Variants in PLPPR1 observed in about 807,000 individuals in gnomAD.
PLPPR1 encodes the protein phospholipid phosphatase related 1.
A neutral mutation model predicts 33.1 loss-of-function variants in PLPPR1; 10 were observed. The observed-to-expected ratio is 0.30, with a 90% CI of 0.19 to 0.51. The LOEUF (loss-of-function observed/expected upper bound fraction) is 0.51. PLPPR1 is among the 20% of genes least tolerant of loss of function. The pLI is 0.97. For synonymous variants in PLPPR1, 151 were observed against 151.0 expected (o/e 1.00, Z 0.00); for missense variants, 304 against 408.1 (o/e 0.74, Z 2.20).
rs113553289 is a variant in PLPPR1, at chr9:101,265,987, C to T, written c.64-3893C>T. 3.3e-3 allele frequency among the ~76,000 whole-genome samples: 498 copies of T among 151,368 alleles called. 1 individual carries two copies. The highest frequency in any genetic ancestry group is 5.7e-3 in the Non-Finnish European group (387 of 67,840). ...CACCAGCCTGGGCGACAGTGCGAGACACCGCCTCAAAAAAAAAAGGTCACA... is the reference window on the plus strand; with the variant it reads ...CACCAGCCTGGGCGACAGTGCGAGATACCGCCTCAAAAAAAAAAGGTCACA... On this transcript the variant is annotated intron_variant, in intron 2 of 7. Transcript: ENST00000374874.
chr9:101,176,804 G>T (rs879291030), intron 1 of PLPPR1, among the ~76,000 whole-genome samples: 1 of 152,030 alleles, frequency 6.6e-6, no homozygotes, highest in Non-Finnish European at 1.5e-5. Flanking sequence ...ATATCCTAAG[G>T]TTTTAATAAT....
intron 1 of PLPPR1, among the ~76,000 whole-genome samples, chr9:101,069,578 T>C (rs1475637269): frequency 2.0e-5 from 3 of 152,098 alleles, no homozygotes; most frequent in African/African-American, 7.2e-5. Context: ...AACTGGAAAA[T>C]AAACTTATAC....
intron 2 of PLPPR1, among the ~76,000 whole-genome samples, chr9:101,248,618 A>T (rs1345888765): frequency 1.3e-5 from 2 of 152,076 alleles, no homozygotes; most frequent in East Asian, 3.9e-4. Flanking sequence ...CCACAGAGTG[A>T]CAGTTTTTCA....
chr9:101,243,322 G>A (rs1827517273), intron 2 of PLPPR1, among the ~76,000 whole-genome samples: 1 of 152,050 alleles, frequency 6.6e-6, no homozygotes, highest in East Asian at 1.9e-4. Flanking sequence ...TGAAGCAAAT[G>A]GACTCTTCTG....
chr9:101,134,582 C>T (rs903656388), intron 1 of PLPPR1, among the ~76,000 whole-genome samples: 5 of 151,960 alleles, frequency 3.3e-5, no homozygotes, highest in South Asian at 2.1e-4. Context: ...TAGTGTTTTG[C>T]CACATTGCCC....
chr9:101,059,447 G>T (rs796607825), intron 1 of PLPPR1, among the ~76,000 whole-genome samples: 8 of 152,162 alleles, frequency 5.3e-5, no homozygotes, highest in African/African-American at 1.9e-4. Context: ...TCTGTAAAAG[G>T]CTTTTGAATT....
At chr9:101,082,126 G>A (rs2118513418) in intron 1 of PLPPR1, among the ~76,000 whole-genome samples, 1 of 152,324 alleles carries the variant, frequency 6.6e-6, no homozygotes, top group South Asian at 2.1e-4. Context: ...AGAGACAACT[G>A]TGGAGGGGAA....
At chr9:101,274,461 C>G (rs1232511423) in intron 3 of PLPPR1, among the ~76,000 whole-genome samples, 2 of 152,184 alleles carry the variant, frequency 1.3e-5, no homozygotes, top group African/African-American at 2.4e-5. Context: ...TTGGTAGGAA[C>G]CAGGGCTGAT....
intron 1 of PLPPR1, among the ~76,000 whole-genome samples, chr9:101,179,252 AC>A (rs1488152302): frequency 1.3e-5 from 2 of 152,150 alleles, no homozygotes; most frequent in Non-Finnish European, 2.9e-5. Context: ...AATGGCCCAG[AC>A]CCTTCAGGAA....
chr9:101,309,524 C>T, intron 5 of PLPPR1, 63 bp downstream of exon 5: 2 of 1,546,864 alleles, frequency 1.3e-6, no homozygotes, highest in Admixed American at 1.8e-5. Flanking sequence ...TCTCCCTGCC[C>T]TGTCTCCATT....
intron 1 of PLPPR1, among the ~76,000 whole-genome samples, chr9:101,158,204 T>C (rs1831722153): frequency 1.3e-5 from 2 of 151,908 alleles, no homozygotes; most frequent in African/African-American, 2.4e-5. Context: ...CAGATTGCAA[T>C]TAGTAAAGAT....
intron 1 of PLPPR1, among the ~76,000 whole-genome samples, chr9:101,112,541 T>G (rs1436859351): frequency 6.6e-6 from 1 of 152,238 alleles, no homozygotes; most frequent in Non-Finnish European, 1.5e-5. Context: ...TATCTCTTCC[T>G]GCATTTAATC....
chr9:101,148,719 C>T (rs1049961992), intron 1 of PLPPR1, among the ~76,000 whole-genome samples: 2 of 152,150 alleles, frequency 1.3e-5, no homozygotes, highest in Admixed American at 6.5e-5. Context: ...ATAAAACTCC[C>T]ACACCTTAGT....
intron 2 of PLPPR1, among the ~76,000 whole-genome samples, chr9:101,202,006 CA>C (rs1320668146): frequency 2.6e-5 from 4 of 152,138 alleles, no homozygotes; most frequent in Admixed American, 2.6e-4. Flanking sequence ...AAAGAAAAAA[CA>C]GATAGTTTTG....
chr9:101,261,429 A>C (rs766952141), intron 2 of PLPPR1, among the ~76,000 whole-genome samples: 3 of 152,188 alleles, frequency 2.0e-5, no homozygotes, highest in African/African-American at 7.2e-5. Context: ...CATTTCGTCT[A>C]CATATCCTTG....
At chr9:101,122,093 CT>C (rs139067015) in intron 1 of PLPPR1, among the ~76,000 whole-genome samples, 22,286 of 152,070 alleles carry the variant, frequency 0.15, 1,970 homozygotes, top group Non-Finnish European at 0.2. Flanking sequence ...TTGAAACTTG[CT>C]TTGTATTCAT....
chr9:101,169,493 C>T (rs889558892), intron 1 of PLPPR1, among the ~76,000 whole-genome samples: 1 of 152,104 alleles, frequency 6.6e-6, no homozygotes, highest in African/African-American at 2.4e-5. Flanking sequence ...ATTCAGGATA[C>T]TCCCTTCCCA....
At position 101,271,281 on chromosome 9, in the gene PLPPR1, A is replaced by G. The variant is rs12339015; in HGVS notation, c.252+1213A>G. Among the ~76,000 whole-genome samples, 677 of 152,312 alleles carry G rather than the reference A, an allele frequency of 4.4e-3. 4 individuals are homozygous for G. Among genetic ancestry groups the G allele is most frequent in the African/African-American group, 0.016 (650 of 41,584 alleles). On this transcript the variant is annotated intron_variant, in intron 3 of 7. Transcript: ENST00000374874. ...GTTCCCTCCCATACAAAATAAGGAC[A>G]ACTGAATGCTTACCTCATGCGTTGC...
chr9:101,159,537 G>T (rs1831745851), intron 1 of PLPPR1, among the ~76,000 whole-genome samples: 1 of 152,214 alleles, frequency 6.6e-6, no homozygotes, highest in Non-Finnish European at 1.5e-5. Flanking sequence ...TTCCGTTTGG[G>T]CTATAAGCCT....
Sources: allele counts gnomAD v4.1 joint callset (sites outside exome capture counted in the v4.1 genomes callset), GRCh38; gene constraint gnomAD v4.1.1; transcripts MANE v1.5; gene names NCBI Gene and HGNC (gene_info 2026-07-23, HGNC 2026-07-21).